The following C13orf46 variants were observed in gnomAD, a reference collection of about 807,000 sequenced individuals.
C13orf46 encodes the protein chromosome 13 open reading frame 46, also known as uncharacterized protein C13orf46.
At chr13:113,937,620 C>T in the C13orf46 span, among the ~76,000 whole-genome samples, 173 of 152,256 alleles carry the variant, frequency 1.1e-3, no homozygotes, top group Non-Finnish European at 1.9e-3. Context: ...GACAACATGC[C>T]TGAGGTGGTC....
At chr13:113,965,863 A>G (rs2052636232) in intron 5 of C13orf46, among the ~76,000 whole-genome samples, 5 of 148,530 alleles carry the variant, frequency 3.4e-5, no homozygotes, top group African/African-American at 5.0e-5. Context: ...GGTGGTGATG[A>G]TGGTGATGGT....
chr13:113,940,334 C>T, the C13orf46 span, among the ~76,000 whole-genome samples: 8 of 152,242 alleles, frequency 5.3e-5, no homozygotes, highest in African/African-American at 1.9e-4. Context: ...CACACACTGG[C>T]GGGGTGGATG....
At chr13:113,936,833 C>CA in the C13orf46 span, among the ~76,000 whole-genome samples, 1 of 151,970 alleles carries the variant, frequency 6.6e-6, no homozygotes, top group East Asian at 1.9e-4. Context: ...GTCAGACTTG[C>CA]AAAAAACCTG....
downstream of C13orf46, among the ~76,000 whole-genome samples, chr13:113,951,256 C>T (rs1279064539): frequency 9.2e-5 from 14 of 152,156 alleles, no homozygotes; most frequent in East Asian, 3.9e-4. Context: ...GTTTCCAGGA[C>T]GGAAACAGGC....
chr13:113,951,574 C>T (rs2052488799), downstream of C13orf46, among the ~76,000 whole-genome samples: 1 of 151,006 alleles, frequency 6.6e-6, no homozygotes, highest in African/African-American at 2.4e-5. Context: ...GGCCCAGGCC[C>T]CAGCGCCTGC....
chr13:113,959,077 G>T (rs998166492), intron 6 of C13orf46, among the ~76,000 whole-genome samples: 2 of 152,152 alleles, frequency 1.3e-5, no homozygotes. Context: ...AGGAGTTAAA[G>T]ACCAGCCTGA....
In C13orf46 at chr13:113,956,579, C is replaced by T. The variant is rs1202047553; in HGVS notation, c.*194G>A. 3.9e-5 allele frequency: 6 copies of T among 152,538 alleles called. No homozygotes were observed. The highest frequency in any genetic ancestry group is 2.0e-4 in the Admixed American group (3 of 15,292). 9.4% of individuals were successfully genotyped at this position (152,538 alleles called of 1,614,324 possible). On this transcript the variant is annotated 3_prime_UTR_variant, in exon 7 of 7. Coordinates refer to ENST00000636427, the MANE Select transcript of C13orf46 (RefSeq NM_001365455.2). Reference sequence around the variant, plus strand: ...GGGATCTTTAGCCCAAAGGCGCAGTCTGTGCTCTCGCTCCTTCCAGGCCTG... The same window carrying T: ...GGGATCTTTAGCCCAAAGGCGCAGTTTGTGCTCTCGCTCCTTCCAGGCCTG...
the C13orf46 span, among the ~76,000 whole-genome samples, chr13:113,937,619 C>G: frequency 6.6e-6 from 1 of 152,118 alleles, no homozygotes; most frequent in Non-Finnish European, 1.5e-5. Flanking sequence ...TGACAACATG[C>G]CTGAGGTGGT....
chr13:113,927,824 ACCAACGTGCTTTCCATGT>A, the C13orf46 span: 5 of 389,676 alleles, frequency 1.3e-5, no homozygotes, highest in Non-Finnish European at 2.3e-5. Flanking sequence ...CCTTGGATGG[ACCAACGTGCTTTCCATGT>A]CCAACTTTGT....
intron 6 of C13orf46, among the ~76,000 whole-genome samples, chr13:113,959,079 C>T (rs2052566055): frequency 6.6e-6 from 1 of 152,078 alleles, no homozygotes; most frequent in Non-Finnish European, 1.5e-5. Flanking sequence ...GAGTTAAAGA[C>T]CAGCCTGACC....
At chr13:113,931,906 C>T in the C13orf46 span, among the ~76,000 whole-genome samples, 6 of 152,036 alleles carry the variant, frequency 3.9e-5, no homozygotes, top group African/African-American at 7.2e-5. Flanking sequence ...TGACCACAAT[C>T]GAGACCATGG....
At chr13:113,949,961 C>G (rs1214472404), downstream of C13orf46, among the ~76,000 whole-genome samples, 1 of 151,660 alleles carries the variant, frequency 6.6e-6, no homozygotes, top group Non-Finnish European at 1.5e-5. Context: ...ATCACCCCCA[C>G]CTCGGGGACC....
At chr13:113,949,449 T>G (rs1158750440), downstream of C13orf46, among the ~76,000 whole-genome samples, 1 of 152,176 alleles carries the variant, frequency 6.6e-6, no homozygotes, top group Non-Finnish European at 1.5e-5. Context: ...TCTGTGACAC[T>G]CCAGGTCGTC....
downstream of C13orf46, among the ~76,000 whole-genome samples, chr13:113,951,253 G>A (rs2052487558): frequency 6.6e-6 from 1 of 152,154 alleles, no homozygotes; most frequent in African/African-American, 2.4e-5. Flanking sequence ...GTGGTTTCCA[G>A]GACGGAAACA....
the C13orf46 span, among the ~76,000 whole-genome samples, chr13:113,932,233 T>C: frequency 5.9e-3 from 901 of 152,356 alleles, 9 homozygotes; most frequent in African/African-American, 0.021. Flanking sequence ...CGACACAGTC[T>C]TTCTGTGGAC....
chr13:113,929,579 T>TGGCTGGACA, the C13orf46 span, among the ~76,000 whole-genome samples: 1 of 152,222 alleles, frequency 6.6e-6, no homozygotes, highest in Non-Finnish European at 1.5e-5. Flanking sequence ...GGAGGTGCCA[T>TGGCTGGACA]GTGGGACGAA....
chr13:113,973,372 T>A (rs2052728992), intron 1 of C13orf46, among the ~76,000 whole-genome samples: 1 of 152,128 alleles, frequency 6.6e-6, no homozygotes. Flanking sequence ...GACAGCTCCC[T>A]CTGGGCTGCT....
the C13orf46 span, among the ~76,000 whole-genome samples, chr13:113,938,186 T>C: frequency 6.6e-6 from 1 of 152,192 alleles, no homozygotes; most frequent in Non-Finnish European, 1.5e-5. Flanking sequence ...CTGGACCCAA[T>C]AATTAAAAGG....
the C13orf46 span, among the ~76,000 whole-genome samples, chr13:113,933,672 C>G: frequency 6.6e-6 from 1 of 152,092 alleles, no homozygotes; most frequent in Admixed American, 6.5e-5. Context: ...TTTCTCAGTT[C>G]TCAGTATATA....
Sources: allele counts gnomAD v4.1 joint callset (sites outside exome capture counted in the v4.1 genomes callset), GRCh38; gene constraint gnomAD v4.1.1; transcripts MANE v1.5; gene names NCBI Gene and HGNC (gene_info 2026-07-23, HGNC 2026-07-21).